LPP: variants seen among roughly 807,000 people sequenced by gnomAD.
LPP encodes lipoma-preferred partner.
Under a neutral mutation model 60.4 loss-of-function variants are expected in LPP, and 38 were observed. That is an observed-to-expected ratio of 0.63 (90% CI 0.49 to 0.83). The LOEUF is 0.83. LPP is among the 40% of genes least tolerant of loss of function. The pLI is 0.00. For synonymous variants in LPP, 328 were observed against 290.8 expected (o/e 1.13, Z -1.30); for missense variants, 902 against 783.6 (o/e 1.15, Z -1.80).
chr3:188,636,707 A>G lies in LPP; in HGVS notation c.1113+26863A>G, dbSNP rs532675640. On this transcript the variant is annotated intron_variant, in intron 7 of 11. Transcript: ENST00000617246. ...TGGTTCTCCCAGCACGCAGCTGGAGATCTGAGAATGGGCAGACTGCCTCCT... is the reference window on the plus strand; with the variant it reads ...TGGTTCTCCCAGCACGCAGCTGGAGGTCTGAGAATGGGCAGACTGCCTCCT... Among the ~76,000 whole-genome samples, 28 of 152,076 alleles carry G rather than the reference A, an allele frequency of 1.8e-4. 1 individual carries two copies. The highest frequency in any genetic ancestry group is 5.3e-4 in the African/African-American group (22 of 41,462).
At chr3:188,631,395 CCTTACT>C (rs1237008125) in intron 7 of LPP, among the ~76,000 whole-genome samples, 1 of 152,048 alleles carries the variant, frequency 6.6e-6, no homozygotes, top group African/African-American at 2.4e-5. Flanking sequence ...ATTACAACAC[CCTTACT>C]CTTACTGCAG....
In LPP at chr3:188,399,546, C is replaced by T. The variant is rs1578611915; in HGVS notation, c.-9-6566C>T. Among the ~76,000 whole-genome samples the T allele has an allele frequency of 3.3e-5, 5 of 152,276 alleles. No homozygotes were observed. In the South Asian group the frequency reaches 1.0e-3, roughly 32 times the overall value. On this transcript the variant is annotated intron_variant, in intron 3 of 11. Coordinates refer to ENST00000617246, the MANE Select transcript of LPP (RefSeq NM_001375462.1). ...TTAATCTACGTCCCTTTTCTAATATCATTCATTTATTCAGTGCACACTGAC... is the reference window on the plus strand; with the variant it reads ...TTAATCTACGTCCCTTTTCTAATATTATTCATTTATTCAGTGCACACTGAC...
chr3:188,725,408 G>A (rs975317016), intron 8 of LPP: 4 of 152,202 alleles, frequency 2.6e-5, no homozygotes. Flanking sequence ...TTAATTTGGA[G>A]ATCACCTATG....
rs977629246 is a variant in LPP, at chr3:188,760,194, G to C, written c.1322G>C (p.Cys441Ser). The change falls in exon 9 of 12, where the codon TGT (cysteine) becomes TCT (serine). Residue 441 changes from cysteine to serine, a missense_variant. By Grantham distance (112) the Cys-to-Ser change is moderately radical. Transcript: ENST00000617246. The part of the protein sequence containing the change: ...TAMDQVFHVD[C>S]FTCIICNNKL... ...ATGGATCAGGTCTTCCACGTGGATT[G>C]TTTTACCTGCATCATCTGCAACAAC... is the stretch of plus-strand genomic sequence containing the variant. The C allele has an allele frequency of 9.9e-6, 16 of 1,613,974 alleles. No individual in the cohort carries two copies. In the Admixed American group the frequency reaches 2.2e-4, roughly 22 times the overall value.
At chr3:188,496,461 CT>C (rs1273050705) in intron 5 of LPP, among the ~76,000 whole-genome samples, 6 of 152,104 alleles carry the variant, frequency 3.9e-5, no homozygotes, top group South Asian at 4.1e-4. Flanking sequence ...CTTTCATATA[CT>C]TTATCTCACT....
intron 8 of LPP, chr3:188,746,590 A>T (rs1726294444): frequency 1.0e-5 from 5 of 476,610 alleles, no homozygotes; most frequent in South Asian, 7.9e-5. Flanking sequence ...ACAGAACTTC[A>T]AATAAAATCA....
In LPP at chr3:188,685,848, TA is replaced by T. The variant is rs199998373; in HGVS notation, c.1114-22409del. 1.4e-4 allele frequency among the ~76,000 whole-genome samples: 21 copies of T among 150,816 alleles called. No individual in the cohort carries two copies. In the South Asian group the frequency reaches 1.5e-3, roughly 11 times the overall value. On this transcript the variant is annotated intron_variant, in intron 7 of 11. Coordinates refer to ENST00000617246, the MANE Select transcript of LPP (RefSeq NM_001375462.1). ...GAACAAGCTTCTCTACTACTTTTCTTAAAAAAAAAATTACCCATTTATGACT... is the reference window on the plus strand; with the variant it reads ...GAACAAGCTTCTCTACTACTTTTCTTAAAAAAAAATTACCCATTTATGACT...
chr3:188,500,723 T>G (rs1811575276), intron 5 of LPP, among the ~76,000 whole-genome samples: 1 of 152,196 alleles, frequency 6.6e-6, no homozygotes, highest in Non-Finnish European at 1.5e-5. Context: ...TGATTCAATC[T>G]TCTTAGTATT....
chr3:188,283,958 C>T (rs1414510691), intron 2 of LPP, among the ~76,000 whole-genome samples: 3 of 151,834 alleles, frequency 2.0e-5, no homozygotes, highest in South Asian at 2.1e-4. Context: ...GCCTGGGTGA[C>T]AGAGCGAGAC....
chr3:188,734,454 A>C (rs911355391), intron 8 of LPP, among the ~76,000 whole-genome samples: 1 of 152,110 alleles, frequency 6.6e-6, no homozygotes, highest in African/African-American at 2.4e-5. Context: ...CCCCCACTTA[A>C]CTTGCTATTT....
chr3:188,621,856 C>T lies in LPP; in HGVS notation c.1113+12012C>T, dbSNP rs138013431. Among the ~76,000 whole-genome samples, 113 of 152,142 alleles carry T rather than the reference C, an allele frequency of 7.4e-4. No individual in the cohort carries two copies. The East Asian group carries it at 0.018, about 24-fold the overall frequency. ...TGTATGTTTAGTAGAGATGGGGTTT[C>T]GCATTGTTAGCCAGGCTGGTCTCAA... On this transcript the variant is annotated intron_variant, in intron 7 of 11. Coordinates refer to ENST00000617246, the MANE Select transcript of LPP (RefSeq NM_001375462.1).
At chr3:188,450,215 T>G (rs1018713487) in intron 4 of LPP, among the ~76,000 whole-genome samples, 1 of 152,220 alleles carries the variant, frequency 6.6e-6, no homozygotes. Context: ...ATTAGTTTTT[T>G]CTACAGATGA....
chr3:188,213,597 A>G (rs775621424), intron 1 of LPP, among the ~76,000 whole-genome samples: 4 of 152,168 alleles, frequency 2.6e-5, no homozygotes, highest in Admixed American at 2.6e-4. Flanking sequence ...CCGTTAGGAT[A>G]TATGGGCTCA....
chr3:188,735,312 G>A (rs1722092225), intron 8 of LPP, among the ~76,000 whole-genome samples: 1 of 151,928 alleles, frequency 6.6e-6, no homozygotes, highest in Non-Finnish European at 1.5e-5. Context: ...GCCGGGTTAA[G>A]TCACATTTAT....
Position 188,609,652 on chromosome 3 carries a change from T to TG in LPP, c.926dup (p.Arg310GlnfsTer3). On this transcript the variant is annotated frameshift_variant, in exon 7 of 12. Coordinates refer to ENST00000617246, the MANE Select transcript of LPP (RefSeq NM_001375462.1). LOFTEE classifies it high-confidence loss of function. This position sits in a 1 kb window ranked among gnomAD's most constrained non-coding sequence, Gnocchi z 6.9. ...GCTACTATGCAGCAGGGCCAGGCTATGGGGGCAGAAATGACTCTGACCCTA... is the reference window on the plus strand; with the variant it reads ...GCTACTATGCAGCAGGGCCAGGCTATGGGGGGCAGAAATGACTCTGACCCTA... 6.2e-7 allele frequency: 1 copy of TG among 1,614,108 alleles called. No homozygotes were observed. The highest frequency in any genetic ancestry group is 8.5e-7 in the Non-Finnish European group (1 of 1,180,000).
intron 2 of LPP, among the ~76,000 whole-genome samples, chr3:188,326,518 C>G (rs1758466640): frequency 6.6e-6 from 1 of 152,128 alleles, no homozygotes; most frequent in Admixed American, 6.5e-5. Flanking sequence ...GGGGCATGAT[C>G]GTTTCTATAC....
At chr3:188,637,756 A>T (rs146191048) in intron 7 of LPP, among the ~76,000 whole-genome samples, 20,112 of 152,256 alleles carry the variant, frequency 0.13, 1,366 homozygotes, top group South Asian at 0.17. Context: ...ATAAACTAGA[A>T]AATCTAGAAG....
intron 2 of LPP, among the ~76,000 whole-genome samples, chr3:188,299,536 A>G (rs992727881): frequency 1.3e-5 from 2 of 152,182 alleles, no homozygotes; most frequent in Admixed American, 1.3e-4. Context: ...AGGTTGGACA[A>G]GTCCCGTTAG....
intron 3 of LPP, among the ~76,000 whole-genome samples, chr3:188,390,161 C>T (rs1350899144): frequency 6.6e-6 from 1 of 152,178 alleles, no homozygotes; most frequent in Non-Finnish European, 1.5e-5. Context: ...AGGCCTGCTC[C>T]TGCCCCTCCC....
Sources: allele counts gnomAD v4.1 joint callset (sites outside exome capture counted in the v4.1 genomes callset), GRCh38; gene constraint gnomAD v4.1.1; non-coding constraint Gnocchi (gnomAD v3.1); transcripts MANE v1.5; gene names NCBI Gene and HGNC (gene_info 2026-07-23, HGNC 2026-07-21).